The following MYL6B variants were observed in gnomAD, a reference collection of about 807,000 sequenced individuals.
The protein encoded by MYL6B is myosin alkali light chain 1 slow a.
Under a neutral mutation model 24.5 loss-of-function variants are expected in MYL6B, and 19 were observed. The observed-to-expected ratio is 0.78, with a 90% confidence interval of 0.54 to 1.14. The LOEUF (loss-of-function observed/expected upper bound fraction) is 1.14, where lower values mean the gene tolerates loss of function less well. MYL6B is among the 50% of genes most tolerant of loss of function. The pLI, the probability that MYL6B is intolerant of heterozygous loss-of-function variation, is 0.00. For missense variants in MYL6B, 230 were observed against 263.8 expected (o/e 0.87, Z 0.89); for synonymous variants, 90 against 100.7 (o/e 0.89, Z 0.64).
chr12:56,155,743 A>G, intron 5 of MYL6B, 151 bp downstream of exon 5: 1 of 1,537,396 alleles, frequency 6.5e-7, no homozygotes, highest in Non-Finnish European at 8.7e-7. Flanking sequence ...CTATGGGGGT[A>G]GAATCTGAAG....
exon 2 of MYL6B, chr12:56,153,911 C>A: frequency 6.2e-7 from 1 of 1,607,250 alleles, no homozygotes; most frequent in Non-Finnish European, 8.5e-7. Context: ...CTTTGGCCAC[C>A]GGACATCATG....
chr12:56,154,516 G>T (rs1871232537), intron 2 of MYL6B, among the ~76,000 whole-genome samples: 1 of 152,226 alleles, frequency 6.6e-6, no homozygotes, highest in Non-Finnish European at 1.5e-5. Flanking sequence ...GGGGCCAGGG[G>T]TAAATTTAGC....
exon 5 of MYL6B, chr12:56,155,485 G>A (rs750221096): frequency 4.3e-6 from 7 of 1,614,018 alleles, no homozygotes; most frequent in South Asian, 3.3e-5. Flanking sequence ...GCCAAGAACC[G>A]AGGCCAAGGC....
chr12:56,156,842 G>A (rs1472686157), intron 5 of MYL6B: 1 of 152,020 alleles, frequency 6.6e-6, no homozygotes, highest in African/African-American at 2.4e-5. Context: ...TTTGAGCTCA[G>A]GAGTTCGAGA....
In MYL6B at chr12:56,157,975, TCTC is replaced by T. The variant is rs1473498730; in HGVS notation, c.*250_*252del. Reference sequence around the variant, plus strand: ...TGTTTCAAAATAAAGACTGGGTTCCTCTCTTGGTTTCAGACTGCTATTTTTTTC... The same window carrying T: ...TGTTTCAAAATAAAGACTGGGTTCCTTTGGTTTCAGACTGCTATTTTTTTC... On this transcript the variant is annotated 3_prime_UTR_variant, in exon 7 of 7. Coordinates refer to ENST00000553066, the Ensembl canonical transcript of MYL6B. 10 of 586,398 alleles carry T rather than the reference TCTC, an allele frequency of 1.7e-5. No individual in the cohort carries two copies. The East Asian group carries it at 2.6e-4, about 15-fold the overall frequency. 36.3% of individuals were successfully genotyped at this position (586,398 alleles called of 1,614,324 possible).
At chr12:56,152,689 A>AGAGTGT (rs36041363) in intron 1 of MYL6B, 58 bp downstream of exon 1, 5 of 149,620 alleles carry the variant, frequency 3.3e-5, no homozygotes, top group Non-Finnish European at 7.4e-5. Flanking sequence ...GGGGTGCGTG[A>AGAGTGT]GTGTGTGTGT....
chr12:56,153,744 C>G, intron 1 of MYL6B, 129 bp from the exon 2 acceptor site: 1 of 652,594 alleles, frequency 1.5e-6, no homozygotes, highest in East Asian at 2.8e-5. Context: ...GAGTCCTGAA[C>G]CATAGGAGGC....
At chr12:56,154,733 G>A in intron 2 of MYL6B, 80 bp from the exon 3 acceptor site, 3 of 1,521,420 alleles carry the variant, frequency 2.0e-6, no homozygotes, top group Admixed American at 1.9e-5. Context: ...CTCAGAAGTG[G>A]CTGCCAGTTG....
At chr12:56,152,689 A>AGTGAGTGT (rs1555216173) in intron 1 of MYL6B, 58 bp downstream of exon 1, 1 of 149,620 alleles carries the variant, frequency 6.7e-6, no homozygotes. Flanking sequence ...GGGGTGCGTG[A>AGTGAGTGT]GTGTGTGTGT....
intron 1 of MYL6B, chr12:56,153,340 G>GA (rs774779207): frequency 1.9e-5 from 15 of 795,810 alleles, no homozygotes; most frequent in Non-Finnish European, 2.3e-5. Flanking sequence ...GGGGGCTCAG[G>GA]AACTACAAGT....
At chr12:56,153,615 G>A (rs983232694) in intron 1 of MYL6B, 1 of 372,978 alleles carries the variant, frequency 2.7e-6, no homozygotes, top group Non-Finnish European at 3.9e-6. Flanking sequence ...TCACCCTGGA[G>A]GTTAACTACC....
chr12:56,157,961 A>G, exon 7 of MYL6B: 1 of 594,046 alleles, frequency 1.7e-6, no homozygotes, highest in Non-Finnish European at 3.0e-6. Context: ...GTTTCAAAAT[A>G]AAGACTGGGT....
At chr12:56,156,061 T>G in intron 5 of MYL6B, 3 of 1,076,394 alleles carry the variant, frequency 2.8e-6, no homozygotes, top group Non-Finnish European at 3.4e-6. Flanking sequence ...ATCCCAGCAT[T>G]TTGGGAGACC....
rs56851901 is a variant in MYL6B, at chr12:56,155,292, A to C, written c.346+94A>C. 762 of 1,557,624 alleles carry C rather than the reference A, an allele frequency of 4.9e-4. 12 individuals carry two copies. In the East Asian group the frequency reaches 0.012, roughly 25 times the overall value. On this transcript the variant is annotated intron_variant, in intron 4 of 6. Coordinates refer to ENST00000553066, the Ensembl canonical transcript of MYL6B. ...TGAGGTGGATCTCAGGACTTCAAAAACTGTCAAACACAGAAGCAGGAAAAT... is the reference window on the plus strand; with the variant it reads ...TGAGGTGGATCTCAGGACTTCAAAACCTGTCAAACACAGAAGCAGGAAAAT...
At chr12:56,156,770 G>C (rs1042384350) in intron 5 of MYL6B, among the ~76,000 whole-genome samples, 6 of 151,744 alleles carry the variant, frequency 4.0e-5, no homozygotes, top group African/African-American at 1.5e-4. Flanking sequence ...AAAGTACAAG[G>C]CTGGGCGTGG....
intron 1 of MYL6B, chr12:56,153,588 T>G: frequency 1.8e-6 from 1 of 551,388 alleles, no homozygotes; most frequent in South Asian, 7.9e-5. Flanking sequence ...TCAGTGCCAC[T>G]GGCAAGCATC....
chr12:56,157,940 G>A (rs1175360015), exon 7 of MYL6B: 1 of 602,960 alleles, frequency 1.7e-6, no homozygotes, highest in African/African-American at 1.9e-5. Context: ...GCCACCAGGA[G>A]GCCACCTATT....
exon 7 of MYL6B, chr12:56,157,818 T>G: frequency 6.7e-7 from 1 of 1,488,726 alleles, no homozygotes; most frequent in Non-Finnish European, 9.2e-7. Context: ...AGCAGCGGAG[T>G]TCATTCTGCT....
chr12:56,155,618 C>G (rs549804610), intron 5 of MYL6B, 26 bp downstream of exon 5: 1 of 1,611,302 alleles, frequency 6.2e-7, no homozygotes, highest in South Asian at 1.1e-5. Flanking sequence ...GGGACCAGAA[C>G]TCCTTTAGAG....
Sources: gnomAD v4.1 joint callset for allele counts (sites outside exome capture counted in the v4.1 genomes callset) on GRCh38, gnomAD v4.1.1 for gene constraint, MANE v1.5 for transcripts, NCBI Gene and HGNC (gene_info 2026-07-23, HGNC 2026-07-21) for gene names.